The following COL4A2 variants were observed in gnomAD, a reference collection of about 807,000 sequenced individuals.
The protein encoded by COL4A2 is collagen alpha-2(IV) chain.
Under a neutral mutation model 200.2 loss-of-function variants are expected in COL4A2, and 99 were observed. The observed-to-expected ratio is 0.49, with a 90% CI of 0.42 to 0.58. The LOEUF (loss-of-function observed/expected upper bound fraction) is 0.58, where lower values mean the gene tolerates loss of function less well. Among genes scored for constraint, COL4A2 ranks in the 20% least tolerant of loss-of-function variants. The probability of loss-of-function intolerance (pLI) is 0.00; values close to 1 mark genes in which losing one functional copy is unlikely to be tolerated. For synonymous variants in COL4A2, 897 were observed against 900.6 expected (o/e 1.00, Z 0.07); for missense variants, 1,950 against 2,314.1 (o/e 0.84, Z 3.23).
At chr13:110,392,216 G>A (rs1879010640) in intron 4 of COL4A2, among the ~76,000 whole-genome samples, 2 of 152,202 alleles carry the variant, frequency 1.3e-5, no homozygotes, top group South Asian at 4.1e-4. Flanking sequence ...AAGTCAGTCA[G>A]TCAACAACTT....
chr13:110,505,677 C>T (rs568228552), intron 45 of COL4A2, among the ~76,000 whole-genome samples: 216 of 152,318 alleles, frequency 1.4e-3, no homozygotes, highest in Admixed American at 5.6e-3. Context: ...CCCCCGTGTG[C>T]TCCTCGGGTA....
chr13:110,409,920 G>A (rs999505849), intron 4 of COL4A2, among the ~76,000 whole-genome samples: 15 of 152,112 alleles, frequency 9.9e-5, no homozygotes, highest in African/African-American at 2.2e-4. Flanking sequence ...TAACCCCGGC[G>A]TGGTGAAACC....
At chr13:110,418,434 CA>C (rs1304400177) in intron 4 of COL4A2, among the ~76,000 whole-genome samples, 2 of 152,140 alleles carry the variant, frequency 1.3e-5, no homozygotes, top group African/African-American at 2.4e-5. Context: ...TTGCCTAATC[CA>C]AAGTCACAAA....
At chr13:110,330,667 C>T (rs1228642776) in intron 3 of COL4A2, among the ~76,000 whole-genome samples, 3 of 152,318 alleles carry the variant, frequency 2.0e-5, no homozygotes, top group East Asian at 1.9e-4. Context: ...CCGCAGGGCA[C>T]GATGGGGTCC....
At chr13:110,339,904 A>G (rs747337561) in intron 3 of COL4A2, among the ~76,000 whole-genome samples, 2 of 152,262 alleles carry the variant, frequency 1.3e-5, no homozygotes, top group Non-Finnish European at 2.9e-5. Flanking sequence ...GTATAAACTC[A>G]TAATGTATCC....
At chr13:110,321,202 C>CTG (rs200964233) in intron 3 of COL4A2, among the ~76,000 whole-genome samples, 5,847 of 128,664 alleles carry the variant, frequency 0.045, 504 homozygotes, top group East Asian at 0.4. Flanking sequence ...GTGTATGTGT[C>CTG]TGTGTGTATA....
At chr13:110,511,908 C>G (rs997172533) in intron 47 of COL4A2, 26 bp from the exon 48 acceptor site, 1 of 1,613,024 alleles carries the variant, frequency 6.2e-7, no homozygotes, top group Non-Finnish European at 8.5e-7. Flanking sequence ...GATTCCTAAC[C>G]CTGTCCTGCC....
At position 110,473,038 on chromosome 13, in the gene COL4A2, C is replaced by T; in HGVS notation, c.2313C>T (p.Gly771=). The T allele has an allele frequency of 6.6e-7, 1 of 1,514,124 alleles. No homozygotes were observed. Among genetic ancestry groups the T allele is most frequent in the Non-Finnish European group, 8.8e-7 (1 of 1,131,776 alleles). 93.8% of individuals were successfully genotyped at this position (1,514,124 alleles called of 1,614,324 possible). Residue 771 remains glycine (G), a synonymous_variant, in exon 29 of 48, where the codon GGC becomes GGT. Transcript: ENST00000360467. ...CAGATGGGCCCCCTGGGGAAAGGGG[C>T]CTCCCTGGAGAAGTCCTGGGAGCTC... is the stretch of plus-strand genomic sequence containing the variant. ...PGPDGPPGER[G]LPGEVLGAQP...
intron 3 of COL4A2, among the ~76,000 whole-genome samples, chr13:110,312,034 C>G (rs1469673150): frequency 1.3e-5 from 2 of 152,220 alleles, no homozygotes; most frequent in Non-Finnish European, 2.9e-5. Context: ...GCACGAGGCC[C>G]AGAGCTTTCT....
intron 4 of COL4A2, among the ~76,000 whole-genome samples, chr13:110,398,085 C>A (rs756670599): frequency 3.2e-4 from 40 of 126,534 alleles, no homozygotes; most frequent in Non-Finnish European, 9.8e-5. Flanking sequence ...AAATCTAAAT[C>A]AAAAATCAGA....
At chr13:110,480,920 T>C (rs1052763577) in intron 31 of COL4A2, among the ~76,000 whole-genome samples, 10 of 148,210 alleles carry the variant, frequency 6.7e-5, no homozygotes, top group South Asian at 2.2e-4. Context: ...AGACACACTG[T>C]TCTGTCCCTC....
chr13:110,455,100 G>A (rs1435865192), intron 20 of COL4A2, among the ~76,000 whole-genome samples: 1 of 152,154 alleles, frequency 6.6e-6, no homozygotes, highest in Non-Finnish European at 1.5e-5. Flanking sequence ...CGCCCGCGTA[G>A]CCTGCTAGGA....
chr13:110,448,581 T>A (rs550818682), intron 18 of COL4A2, among the ~76,000 whole-genome samples: 2 of 152,302 alleles, frequency 1.3e-5, no homozygotes, highest in South Asian at 4.1e-4. Context: ...TGCATGAACT[T>A]GTCAAAAGAC....
At position 110,439,714 on chromosome 13, in the gene COL4A2, G is replaced by A. The variant is rs114727535; in HGVS notation, c.913-75G>A. On this transcript the variant is annotated intron_variant, in intron 15 of 47. Coordinates refer to ENST00000360467, the MANE Select transcript of COL4A2 (RefSeq NM_001846.4). ...GGCATTTTGCTGTGATCACAGCCAG[G>A]TGCCGTAGTCAAGCCCTCTGGAAAT... 1.6e-3 allele frequency: 2,629 copies of A among 1,605,608 alleles called. 24 individuals are homozygous for A. The African/African-American group carries it at 0.023, about 14-fold the overall frequency.
chr13:110,314,834 C>T (rs1168452617), intron 3 of COL4A2, among the ~76,000 whole-genome samples: 1 of 152,202 alleles, frequency 6.6e-6, no homozygotes, highest in African/African-American at 2.4e-5. Flanking sequence ...CCCCATGGGC[C>T]ACAGGGACGG....
At chr13:110,356,268 T>C (rs1396758846) in intron 3 of COL4A2, among the ~76,000 whole-genome samples, 2 of 152,180 alleles carry the variant, frequency 1.3e-5, no homozygotes, top group Admixed American at 6.5e-5. Flanking sequence ...CTTGCCTGAA[T>C]AGGTCCTGAG....
chr13:110,481,348 C>T (rs68191804), intron 31 of COL4A2, among the ~76,000 whole-genome samples: 9 of 28,998 alleles, frequency 3.1e-4, no homozygotes, highest in African/African-American at 1.2e-3. Flanking sequence ...TGTTCTGTCC[C>T]TCCGTTGCTG....
chr13:110,354,898 A>T (rs985573274), intron 3 of COL4A2, among the ~76,000 whole-genome samples: 1 of 152,200 alleles, frequency 6.6e-6, no homozygotes, highest in Non-Finnish European at 1.5e-5. Flanking sequence ...CGGCAGTGGC[A>T]GAGTGGGCCT....
At chr13:110,327,748 C>G (rs896550066) in intron 3 of COL4A2, among the ~76,000 whole-genome samples, 1 of 152,180 alleles carries the variant, frequency 6.6e-6, no homozygotes, top group East Asian at 1.9e-4. Flanking sequence ...TGCTGTGGCC[C>G]ACACCCCAGC....
Sources: allele counts gnomAD v4.1 joint callset (sites outside exome capture counted in the v4.1 genomes callset), GRCh38; gene constraint gnomAD v4.1.1; transcripts MANE v1.5; gene names NCBI Gene and HGNC (gene_info 2026-07-23, HGNC 2026-07-21).